Variants in ASIC5 observed in about 807,000 individuals in gnomAD.
ASIC5 encodes the protein acid sensing ion channel subunit family member 5.
A neutral mutation model predicts 51.2 loss-of-function variants in ASIC5; 52 were observed. The observed-to-expected ratio is 1.02, with a 90% CI of 0.81 to 1.28. The LOEUF (loss-of-function observed/expected upper bound fraction) is 1.28, where lower values mean the gene tolerates loss of function less well. Ranked by LOEUF, ASIC5 falls within the 50% of genes most tolerant of loss-of-function variation. ASIC5 has a pLI of 0.00. For missense variants in ASIC5, 635 were observed against 595.0 expected (o/e 1.07, Z -0.70); for synonymous variants, 231 against 200.7 (o/e 1.15, Z -1.28).
intron 8 of ASIC5, among the ~76,000 whole-genome samples, chr4:155,832,496 G>A (rs1740891207): frequency 6.6e-6 from 1 of 152,146 alleles, no homozygotes; most frequent in African/African-American, 2.4e-5. Flanking sequence ...TACATGACCA[G>A]AGTGGCTAAA....
At position 155,842,372 on chromosome 4, in the gene ASIC5, A is replaced by T. The variant is rs373840348; in HGVS notation, c.862-18T>A. On this transcript the variant is annotated intron_variant, in intron 5 of 9. Transcript: ENST00000537611. Reference sequence around the variant, plus strand: ...TGAACTGTCTTAAGATAAGATAAATACTGGGTTCAGGAGATGTGTTTACAT... The same window carrying T: ...TGAACTGTCTTAAGATAAGATAAATTCTGGGTTCAGGAGATGTGTTTACAT... The T allele has an allele frequency of 1.2e-5, 19 of 1,596,898 alleles. No homozygotes were observed. Among genetic ancestry groups the T allele is most frequent in the Non-Finnish European group, 1.4e-5 (16 of 1,167,910 alleles).
chr4:155,850,131 G>A (rs978663589), intron 4 of ASIC5, among the ~76,000 whole-genome samples: 4 of 151,764 alleles, frequency 2.6e-5, no homozygotes, highest in African/African-American at 9.7e-5. Context: ...AAGGGAGCAG[G>A]GGAATGGGAA....
At chr4:155,860,357 A>G (rs1579300204) in intron 2 of ASIC5, among the ~76,000 whole-genome samples, 1 of 151,952 alleles carries the variant, frequency 6.6e-6, no homozygotes, top group East Asian at 1.9e-4. Flanking sequence ...AAAAATGTAG[A>G]CATATGCAAG....
intron 1 of ASIC5, among the ~76,000 whole-genome samples, 193 bp from the exon 2 acceptor site, chr4:155,863,947 G>A (rs1383334547): frequency 2.0e-5 from 3 of 152,114 alleles, no homozygotes; most frequent in African/African-American, 4.8e-5. Context: ...GGCTACATGG[G>A]TTTATTGAGA....
intron 2 of ASIC5, 45 bp downstream of exon 2, chr4:155,863,403 A>G: frequency 1.4e-6 from 2 of 1,438,370 alleles, no homozygotes; most frequent in Non-Finnish European, 1.9e-6. Flanking sequence ...AGATTATACT[A>G]GCAAATTTAT....
rs1307560496 is a variant in ASIC5, at chr4:155,838,988, C to A, written c.1010-119G>T. On this transcript the variant is annotated intron_variant, in intron 6 of 9. Transcript: ENST00000537611. ...TCCATTCATCCACCCACCCATTCTT[C>A]TATATGAACATCTATTCTTTCATAA... The A allele has an allele frequency of 6.7e-6, 4 of 599,354 alleles. No individual in the cohort carries two copies. The African/African-American group carries it at 7.6e-5, about 11-fold the overall frequency. 37.1% of individuals were successfully genotyped at this position (599,354 alleles called of 1,614,324 possible).
intron 4 of ASIC5, among the ~76,000 whole-genome samples, chr4:155,846,754 CAT>C (rs111505829): frequency 6.6e-5 from 10 of 152,024 alleles, no homozygotes; most frequent in African/African-American, 2.4e-4. Context: ...TGTAGACAAA[CAT>C]GTCGTAACTT....
chr4:155,850,052 A>G (rs950258205), intron 4 of ASIC5, among the ~76,000 whole-genome samples: 8 of 151,944 alleles, frequency 5.3e-5, no homozygotes, highest in Non-Finnish European at 7.4e-5. Flanking sequence ...ACCATGAGAA[A>G]TCAGATGAAA....
In ASIC5 at chr4:155,863,697, T is replaced by C. The variant is rs371634107; in HGVS notation, c.98A>G (p.Glu33Gly). Residue 33 changes from glutamate (E) to glycine (G), a missense_variant, in exon 2 of 10, where the codon GAG becomes GGG. Coordinates refer to ENST00000537611, the MANE Select transcript of ASIC5 (RefSeq NM_017419.3). ...LSKKPLPSPTERKKFDHDFAI... is the reference protein window; with the variant it reads ...LSKKPLPSPTGRKKFDHDFAI... ...AAAGTCATGGTCAAACTTCTTTCGC[T>C]CAGTGGGAGATGGCAGTGGTTTCTT... 12 of 1,613,828 alleles carry C rather than the reference T, an allele frequency of 7.4e-6. No individual in the cohort carries two copies. In the East Asian group the frequency reaches 2.7e-4, roughly 36 times the overall value.
chr4:155,831,493 C>T (rs748429280), intron 9 of ASIC5, among the ~76,000 whole-genome samples: 4 of 152,044 alleles, frequency 2.6e-5, no homozygotes, highest in African/African-American at 9.7e-5. Flanking sequence ...GCAATTAGGC[C>T]GGGCATGGTG....
At chr4:155,847,109 G>A (rs748575965) in intron 4 of ASIC5, among the ~76,000 whole-genome samples, 28 of 152,022 alleles carry the variant, frequency 1.8e-4, no homozygotes, top group Admixed American at 6.6e-5. Context: ...GAAAGTTCAA[G>A]CATGTCATTA....
chr4:155,843,012 C>T (rs182900690), intron 5 of ASIC5, among the ~76,000 whole-genome samples: 6 of 152,222 alleles, frequency 3.9e-5, no homozygotes, highest in East Asian at 3.9e-4. Context: ...GGCTCCACCC[C>T]TTCCTCCCAA....
At chr4:155,854,361 AT>A in intron 2 of ASIC5, 47 bp from the exon 3 acceptor site, 1 of 1,256,400 alleles carries the variant, frequency 8.0e-7, no homozygotes, top group Non-Finnish European at 1.2e-6. Flanking sequence ...AAAACTTATA[AT>A]TATCTGGAAG....
chr4:155,859,395 G>T (rs1395695037), intron 2 of ASIC5, among the ~76,000 whole-genome samples: 1 of 151,836 alleles, frequency 6.6e-6, no homozygotes, highest in East Asian at 1.9e-4. Flanking sequence ...TCATATAGAG[G>T]AGGGAAGTAT....
intron 6 of ASIC5, among the ~76,000 whole-genome samples, chr4:155,839,208 T>C (rs573977425): frequency 1.3e-5 from 2 of 152,156 alleles, no homozygotes; most frequent in Non-Finnish European, 2.9e-5. Flanking sequence ...TTTGATATGG[T>C]TCACAATCCT....
chr4:155,836,986 TACTCTGAAACAA>T (rs141290852), intron 7 of ASIC5, 129 bp from the exon 8 acceptor site: 43,645 of 626,884 alleles, frequency 0.07, 2,624 homozygotes, highest in African/African-American at 0.23. Context: ...AAATGGTGTT[TACTCTGAAACAA>T]ATATGTTACT....
chr4:155,858,120 G>A (rs1399042), intron 2 of ASIC5, among the ~76,000 whole-genome samples: 111,182 of 151,932 alleles, frequency 0.73, 43,634 homozygotes, highest in Non-Finnish European at 0.87. Context: ...AATTTTTGAT[G>A]AATTTTGTTA....
chr4:155,846,995 GT>G (rs969919817), intron 4 of ASIC5, among the ~76,000 whole-genome samples: 4 of 151,938 alleles, frequency 2.6e-5, no homozygotes, highest in African/African-American at 9.7e-5. Flanking sequence ...AAATAAGGAG[GT>G]TTTTTTGTGG....
chr4:155,847,476 T>A (rs953936311), intron 4 of ASIC5, among the ~76,000 whole-genome samples: 7 of 151,986 alleles, frequency 4.6e-5, no homozygotes, highest in Admixed American at 4.6e-4. Flanking sequence ...AATCCCAGCA[T>A]TTTGGGAGGC....
Sources: gnomAD v4.1 joint callset for allele counts (sites outside exome capture counted in the v4.1 genomes callset) on GRCh38, gnomAD v4.1.1 for gene constraint, MANE v1.5 for transcripts, NCBI Gene and HGNC (gene_info 2026-07-23, HGNC 2026-07-21) for gene names.